Variants in MGAT4C observed in about 807,000 individuals in gnomAD.
The protein encoded by MGAT4C is MGAT4 family member C, also known as alpha-1,3-mannosyl-glycoprotein 4-beta-N-acetylglucosaminyltransferase C.
Under a neutral mutation model 40.1 loss-of-function variants are expected in MGAT4C, and 19 were observed. That is an observed-to-expected ratio of 0.47 (90% confidence interval 0.33 to 0.70). The LOEUF (loss-of-function observed/expected upper bound fraction) is 0.70. Ranked by LOEUF, MGAT4C falls within the 30% of genes least tolerant of loss-of-function variation. MGAT4C has a pLI of 0.02. For missense variants in MGAT4C, 491 were observed against 563.2 expected, an observed-to-expected ratio of 0.87 and a Z score of 1.30; for synonymous variants, 181 against 187.1, an observed-to-expected ratio of 0.97 and a Z score of 0.27.
intron 2 of MGAT4C, among the ~76,000 whole-genome samples, chr12:86,521,008 A>G (rs1049883884): frequency 6.6e-6 from 1 of 152,084 alleles, no homozygotes; most frequent in Non-Finnish European, 1.5e-5. Context: ...ATTTTCTCCC[A>G]TCCTGTAGGT....
At chr12:86,407,814 T>A (rs376080472) in intron 3 of MGAT4C, among the ~76,000 whole-genome samples, 39 of 152,250 alleles carry the variant, frequency 2.6e-4, no homozygotes, top group African/African-American at 9.1e-4. Flanking sequence ...TAGCCTTATG[T>A]CAGCCATAAG....
rs1159010025 is a variant in MGAT4C, at chr12:86,658,497, T to G, written c.-229+68712A>C. 3.3e-5 allele frequency among the ~76,000 whole-genome samples: 5 copies of G among 152,092 alleles called. No individual in the cohort carries two copies. In the East Asian group the frequency reaches 9.6e-4, roughly 29 times the overall value. ...TCATTTTCTTCACATGCTTACTATA[T>G]GAGGCCTGACATATCACAGTAATTA... On this transcript the variant is annotated intron_variant, in intron 2 of 7. Coordinates refer to the MGAT4C transcript ENST00000548651.
chr12:86,520,885 G>A (rs767812731), intron 2 of MGAT4C, among the ~76,000 whole-genome samples: 1 of 151,956 alleles, frequency 6.6e-6, no homozygotes, highest in Non-Finnish European at 1.5e-5. Flanking sequence ...TTTAAAATAT[G>A]TCTGTTCTTG....
At chr12:86,010,949 G>T (rs1888407824) in intron 2 of MGAT4C, among the ~76,000 whole-genome samples, 1 of 152,108 alleles carries the variant, frequency 6.6e-6, no homozygotes, top group African/African-American at 2.4e-5. Flanking sequence ...CTTTTGCCAT[G>T]TTGTGATGTA....
intron 2 of MGAT4C, among the ~76,000 whole-genome samples, chr12:86,572,140 G>C (rs75226882): frequency 6.6e-6 from 1 of 152,102 alleles, no homozygotes; most frequent in African/African-American, 2.4e-5. Flanking sequence ...TTCTTAACTT[G>C]AAGAATTGTT....
intron 4 of MGAT4C, among the ~76,000 whole-genome samples, chr12:86,318,043 T>A (rs1954289853): frequency 6.6e-6 from 1 of 152,076 alleles, no homozygotes; most frequent in African/African-American, 2.4e-5. Flanking sequence ...GGCCTTATAT[T>A]AAATTTTCAT....
At chr12:86,730,706 G>C (rs946047779) in intron 1 of MGAT4C, among the ~76,000 whole-genome samples, 1 of 152,074 alleles carries the variant, frequency 6.6e-6, no homozygotes, top group African/African-American at 2.4e-5. Context: ...AAATACTGCT[G>C]TGTTTTTGGA....
chr12:86,370,348 T>C (rs1369138480), intron 3 of MGAT4C, among the ~76,000 whole-genome samples: 2 of 152,014 alleles, frequency 1.3e-5, no homozygotes, highest in Non-Finnish European at 2.9e-5. Flanking sequence ...TAAATAGATA[T>C]CTTCAGCATG....
intron 1 of MGAT4C, among the ~76,000 whole-genome samples, chr12:86,797,724 C>A (rs1396988340): frequency 6.6e-6 from 1 of 151,876 alleles, no homozygotes. Flanking sequence ...GAAAATCAAT[C>A]CTGTAACTTG....
At chr12:86,471,471 A>T (rs971618637) in intron 2 of MGAT4C, among the ~76,000 whole-genome samples, 1 of 152,072 alleles carries the variant, frequency 6.6e-6, no homozygotes, top group Non-Finnish European at 1.5e-5. Context: ...GAAAAAATAC[A>T]AAAATATAAA....
intron 3 of MGAT4C, among the ~76,000 whole-genome samples, chr12:86,411,825 G>T (rs1038772726): frequency 2.6e-5 from 4 of 152,130 alleles, no homozygotes; most frequent in Non-Finnish European, 5.9e-5. Context: ...AGGCCCGGAG[G>T]ACTAGGATTG....
intron 2 of MGAT4C, among the ~76,000 whole-genome samples, chr12:86,588,146 T>C (rs1310988515): frequency 6.6e-6 from 1 of 151,396 alleles, no homozygotes. Flanking sequence ...TTATTGAGAG[T>C]TTTTAGCATG....
intron 1 of MGAT4C, among the ~76,000 whole-genome samples, chr12:86,184,324 C>A (rs1478897970): frequency 6.6e-6 from 1 of 151,012 alleles, no homozygotes. Flanking sequence ...TTGCAGTGAG[C>A]TGAGATTGCG....
intron 2 of MGAT4C, among the ~76,000 whole-genome samples, chr12:86,450,515 T>C (rs1171841265): frequency 6.6e-6 from 1 of 152,148 alleles, no homozygotes; most frequent in Non-Finnish European, 1.5e-5. Context: ...TTTACCATAG[T>C]TCAATTTTCC....
chr12:86,069,876 T>C (rs1460834200), intron 1 of MGAT4C, among the ~76,000 whole-genome samples: 1 of 152,114 alleles, frequency 6.6e-6, no homozygotes, highest in Non-Finnish European at 1.5e-5. Flanking sequence ...AGAATGACTT[T>C]ATTAAAATGG....
chr12:86,501,988 C>T (rs911077989), intron 2 of MGAT4C, among the ~76,000 whole-genome samples: 4 of 151,898 alleles, frequency 2.6e-5, no homozygotes, highest in African/African-American at 7.3e-5. Context: ...GGAAAAAACA[C>T]ATAATTACAT....
chr12:86,232,717 C>T (rs1951376376), intron 1 of MGAT4C, among the ~76,000 whole-genome samples: 1 of 152,166 alleles, frequency 6.6e-6, no homozygotes, highest in Admixed American at 6.5e-5. Flanking sequence ...TTGCCCTCAG[C>T]CACTCTGGTA....
chr12:86,823,546 G>A (rs933924032), intron 1 of MGAT4C, among the ~76,000 whole-genome samples: 6 of 151,102 alleles, frequency 4.0e-5, no homozygotes, highest in African/African-American at 1.5e-4. Flanking sequence ...AAACGATGAG[G>A]ATAGTTGTCA....
At chr12:86,459,455 T>G (rs1268628369) in intron 2 of MGAT4C, among the ~76,000 whole-genome samples, 1 of 151,742 alleles carries the variant, frequency 6.6e-6, no homozygotes, top group Non-Finnish European at 1.5e-5. Flanking sequence ...ATGGGCCACA[T>G]AGGAAGGGTC....
Sources: allele counts gnomAD v4.1 joint callset (sites outside exome capture counted in the v4.1 genomes callset), GRCh38; gene constraint gnomAD v4.1.1; transcripts MANE v1.5; gene names NCBI Gene and HGNC (gene_info 2026-07-23, HGNC 2026-07-21).